CRTAC1: variants seen among roughly 807,000 people sequenced by gnomAD.
CRTAC1 encodes acidic secreted protein in cartilage.
A neutral mutation model predicts 67.8 loss-of-function variants in CRTAC1; 37 were observed. That is an observed-to-expected ratio of 0.55 (90% CI 0.42 to 0.72). CRTAC1 has a LOEUF of 0.72. Ranked by LOEUF, CRTAC1 falls within the 30% of genes least tolerant of loss-of-function variation. The pLI, the probability that CRTAC1 is intolerant of heterozygous loss-of-function variation, is 0.00. For synonymous variants in CRTAC1, 348 were observed against 371.0 expected (o/e 0.94, Z 0.71); for missense variants, 780 against 931.6 (o/e 0.84, Z 2.12).
At chr10:97,877,969 T>C (rs1045673687) in intron 14 of CRTAC1, among the ~76,000 whole-genome samples, 3 of 152,246 alleles carry the variant, frequency 2.0e-5, no homozygotes, top group Non-Finnish European at 4.4e-5. Context: ...CATTTACCAC[T>C]GCATTTGGAA....
intron 8 of CRTAC1, among the ~76,000 whole-genome samples, chr10:97,900,715 C>CTG: frequency 2.4e-5 from 3 of 123,170 alleles, no homozygotes; most frequent in South Asian, 2.9e-4. Flanking sequence ...GCCCCTTTTC[C>CTG]TGGTAGTGAT....
chr10:98,003,018 C>T (rs573892351), intron 2 of CRTAC1, among the ~76,000 whole-genome samples: 24 of 151,678 alleles, frequency 1.6e-4, no homozygotes, highest in African/African-American at 5.1e-4. Context: ...CTCCTGACCT[C>T]GTGATCTGCC....
In CRTAC1 at chr10:97,971,400, C is replaced by T. The variant is rs756352338; in HGVS notation, c.225-35034G>A. On this transcript the variant is annotated intron_variant, in intron 2 of 14. Transcript: ENST00000370597. ...ATTATGCTAAATGAAATAAGTCAGC[C>T]GCAGAAAGGCAAACATTGTATGATT... Among the ~76,000 whole-genome samples, 19 of 152,230 alleles carry T rather than the reference C, an allele frequency of 1.2e-4. No individual in the cohort carries two copies. The South Asian group carries it at 1.5e-3, about 12-fold the overall frequency.
intron 2 of CRTAC1, among the ~76,000 whole-genome samples, chr10:97,952,412 C>A (rs1333873260): frequency 6.6e-6 from 1 of 151,186 alleles, no homozygotes; most frequent in Non-Finnish European, 1.5e-5. Flanking sequence ...TTGGTGGGCA[C>A]CTGTAATCCC....
chr10:97,913,930 A>G (rs2050723767), intron 5 of CRTAC1, among the ~76,000 whole-genome samples: 2 of 152,278 alleles, frequency 1.3e-5, no homozygotes, highest in South Asian at 4.2e-4. Context: ...CTTCCTATAA[A>G]TCAGATCTGC....
Position 97,959,817 on chromosome 10 carries a change from C to A in CRTAC1, c.225-23451G>T, listed in dbSNP as rs115755603. On this transcript the variant is annotated intron_variant, in intron 2 of 14. Transcript: ENST00000370597. The stretch of plus-strand genomic sequence containing the variant: ...CTTCTTCAGCTTCTTGAACCAGGTG[C>A]CTTCCCTATTGAGGTTAATAGGGGT... 1.9e-3 allele frequency among the ~76,000 whole-genome samples: 294 copies of A among 152,308 alleles called. 1 individual carries two copies. Among genetic ancestry groups the A allele is most frequent in the African/African-American group, 6.3e-3 (260 of 41,558 alleles).
chr10:97,883,214 C>T (rs1191405200), intron 12 of CRTAC1, among the ~76,000 whole-genome samples: 3 of 152,236 alleles, frequency 2.0e-5, no homozygotes, highest in South Asian at 4.1e-4. Context: ...TTCACTTCTC[C>T]AAGAACCTCT....
chr10:97,880,861 A>G (rs1045031112), intron 13 of CRTAC1, among the ~76,000 whole-genome samples: 1 of 151,938 alleles, frequency 6.6e-6, no homozygotes, highest in Admixed American at 6.5e-5. Flanking sequence ...CAACACCCCC[A>G]TCATCAATCA....
chr10:97,886,693 G>C (rs2050290968), intron 11 of CRTAC1, among the ~76,000 whole-genome samples: 1 of 142,406 alleles, frequency 7.0e-6, no homozygotes, highest in Non-Finnish European at 1.5e-5. Context: ...CACCCAGGCT[G>C]GAGTGTGGTG....
At chr10:97,896,308 T>C (rs1398932076) in intron 9 of CRTAC1, among the ~76,000 whole-genome samples, 1 of 132,200 alleles carries the variant, frequency 7.6e-6, no homozygotes, top group South Asian at 2.2e-4. Flanking sequence ...TTTGCACAGG[T>C]TTTTTTTTGT....
At chr10:97,921,037 GGGCGGGGCTGA>G (rs1415111133) in intron 4 of CRTAC1, among the ~76,000 whole-genome samples, 1 of 152,086 alleles carries the variant, frequency 6.6e-6, no homozygotes, top group East Asian at 1.9e-4. Context: ...GGCAGAGTGG[GGGCGGGGCTGA>G]GGCATTTATG....
At chr10:97,921,319 G>A (rs543991306) in intron 4 of CRTAC1, among the ~76,000 whole-genome samples, 115 of 152,302 alleles carry the variant, frequency 7.6e-4, no homozygotes, top group African/African-American at 2.6e-3. Flanking sequence ...ACTAGGGTGA[G>A]TGCTATAATA....
chr10:98,025,243 AT>A (rs1382318881), intron 1 of CRTAC1, among the ~76,000 whole-genome samples: 1 of 152,078 alleles, frequency 6.6e-6, no homozygotes, highest in Non-Finnish European at 1.5e-5. Flanking sequence ...TGTTAATGAC[AT>A]TTTGGGCCAG....
chr10:97,872,509 TC>T (rs112624312), intron 14 of CRTAC1, among the ~76,000 whole-genome samples: 7 of 152,200 alleles, frequency 4.6e-5, no homozygotes, highest in African/African-American at 1.7e-4. Context: ...TGCCTGACAC[TC>T]CCCAAACACC....
intron 2 of CRTAC1, among the ~76,000 whole-genome samples, chr10:97,988,325 G>A (rs983627316): frequency 1.3e-5 from 2 of 152,168 alleles, no homozygotes; most frequent in African/African-American, 2.4e-5. Context: ...GACTAATCCA[G>A]TTCATTAAAG....
intron 11 of CRTAC1, among the ~76,000 whole-genome samples, chr10:97,889,301 G>A (rs1172434603): frequency 6.6e-6 from 1 of 152,144 alleles, no homozygotes; most frequent in Admixed American, 6.6e-5. Flanking sequence ...GTGGGCATGT[G>A]GGGCTTGGGG....
intron 1 of CRTAC1, 105 bp from the exon 2 acceptor site, chr10:98,011,442 G>A: frequency 1.5e-6 from 2 of 1,364,246 alleles, no homozygotes; most frequent in Non-Finnish European, 2.0e-6. Context: ...TCCCATTCAT[G>A]GAGAGCTTGA....
At chr10:97,988,826 T>C (rs1023358774) in intron 2 of CRTAC1, among the ~76,000 whole-genome samples, 93 of 152,214 alleles carry the variant, frequency 6.1e-4, no homozygotes, top group Admixed American at 7.2e-4. Context: ...ATTTTAACTA[T>C]TGTGATGGTC....
intron 11 of CRTAC1, among the ~76,000 whole-genome samples, chr10:97,889,552 A>C (rs2050336565): frequency 6.6e-6 from 1 of 151,934 alleles, no homozygotes; most frequent in African/African-American, 2.4e-5. Context: ...GCCCTCTGGG[A>C]ACCCCGCATG....
Sources: allele counts gnomAD v4.1 joint callset (sites outside exome capture counted in the v4.1 genomes callset), GRCh38; gene constraint gnomAD v4.1.1; transcripts MANE v1.5; gene names NCBI Gene and HGNC (gene_info 2026-07-23, HGNC 2026-07-21).